Variants in MACROD2 observed in about 807,000 individuals in gnomAD.
MACROD2 encodes the protein mono-ADP ribosylhydrolase 2.
Under a neutral mutation model 70.4 loss-of-function variants are expected in MACROD2, and 36 were observed. The ratio of observed to expected loss-of-function variants is 0.51; its 90% CI spans 0.39 to 0.68. The LOEUF (loss-of-function observed/expected upper bound fraction) is 0.68, where lower values mean the gene tolerates loss of function less well. Ranked by LOEUF, MACROD2 falls within the 30% of genes least tolerant of loss-of-function variation. The pLI is 0.00. For synonymous variants in MACROD2, 172 were observed against 178.8 expected, an observed-to-expected ratio of 0.96 and a Z score of 0.30; for missense variants, 496 against 538.4, an observed-to-expected ratio of 0.92 and a Z score of 0.78.
chr20:14,361,713 T>A (rs1363980130), intron 3 of MACROD2, among the ~76,000 whole-genome samples: 2 of 152,138 alleles, frequency 1.3e-5, no homozygotes, highest in Non-Finnish European at 2.9e-5. Flanking sequence ...TTTGTTAGAA[T>A]GGCCATTGGA....
At chr20:15,649,679 A>G (rs550387759) in intron 8 of MACROD2, among the ~76,000 whole-genome samples, 5 of 152,188 alleles carry the variant, frequency 3.3e-5, no homozygotes, top group Non-Finnish European at 7.3e-5. Context: ...GTGTCAAGAA[A>G]GATAGTACCA....
chr20:15,268,841 G>A (rs566555060), intron 6 of MACROD2, among the ~76,000 whole-genome samples: 12 of 152,044 alleles, frequency 7.9e-5, no homozygotes. Flanking sequence ...CAGAGTCATG[G>A]CTGCAGTCTC....
At chr20:14,423,247 A>G (rs985725712) in intron 3 of MACROD2, among the ~76,000 whole-genome samples, 3 of 152,146 alleles carry the variant, frequency 2.0e-5, no homozygotes, top group Non-Finnish European at 4.4e-5. Flanking sequence ...TTTCGAAGAT[A>G]GGTTTTTTTT....
rs1198308855 is a variant in MACROD2, at chr20:15,750,878, A to C, written c.646-111867A>C. On this transcript the variant is annotated intron_variant, in intron 8 of 17. Coordinates refer to ENST00000684519, the MANE Select transcript of MACROD2 (RefSeq NM_001351661.2). ...ACCTCATCTGTGGAATCTAAAAAAA[A>C]CAAAAAACGACAACAACAGAAAATA... is the stretch of plus-strand genomic sequence containing the variant. 3.3e-5 allele frequency among the ~76,000 whole-genome samples: 5 copies of C among 151,972 alleles called. No individual in the cohort carries two copies. The East Asian group carries it at 7.7e-4, about 23-fold the overall frequency.
chr20:15,564,019 A>G (rs1021832866), intron 8 of MACROD2, among the ~76,000 whole-genome samples: 2 of 152,196 alleles, frequency 1.3e-5, no homozygotes, highest in Non-Finnish European at 2.9e-5. Context: ...TAGATCCCCT[A>G]AACTTCCTTA....
chr20:14,799,134 G>A (rs184419022), intron 5 of MACROD2, among the ~76,000 whole-genome samples: 107 of 152,088 alleles, frequency 7.0e-4, no homozygotes, highest in African/African-American at 2.4e-3. Flanking sequence ...TATAAAAAAA[G>A]TTATGAAATA....
chr20:14,336,320 T>A (rs187062949), intron 3 of MACROD2, among the ~76,000 whole-genome samples: 1 of 151,848 alleles, frequency 6.6e-6, no homozygotes, highest in East Asian at 1.9e-4. Flanking sequence ...GACTAAAAAT[T>A]GAAAAAAAAA....
chr20:15,437,000 T>G (rs1469976723), intron 7 of MACROD2, among the ~76,000 whole-genome samples: 1 of 152,202 alleles, frequency 6.6e-6, no homozygotes, highest in Non-Finnish European at 1.5e-5. Flanking sequence ...TGCAGATTGA[T>G]GTTCACTCTT....
chr20:15,852,763 G>A (rs1458385521), intron 8 of MACROD2, among the ~76,000 whole-genome samples: 1 of 152,112 alleles, frequency 6.6e-6, no homozygotes, highest in Non-Finnish European at 1.5e-5. Context: ...TATATACCAT[G>A]GCCTATTTTC....
chr20:15,781,880 C>T (rs2051840100), intron 8 of MACROD2, among the ~76,000 whole-genome samples: 1 of 151,894 alleles, frequency 6.6e-6, no homozygotes, highest in South Asian at 2.1e-4. Context: ...AACATATATG[C>T]AAAGGACACT....
chr20:15,004,769 T>G (rs1247297389), intron 5 of MACROD2, among the ~76,000 whole-genome samples: 1 of 152,228 alleles, frequency 6.6e-6, no homozygotes, highest in Non-Finnish European at 1.5e-5. Context: ...AAATTCAAAC[T>G]GTTTACTGTT....
intron 10 of MACROD2, among the ~76,000 whole-genome samples, chr20:15,906,682 A>G (rs1280223257): frequency 6.6e-6 from 1 of 152,002 alleles, no homozygotes; most frequent in East Asian, 1.9e-4. Context: ...CAGTTTCCCA[A>G]TCTTAATTTG....
chr20:14,424,075 T>C (rs2083908398), intron 3 of MACROD2, among the ~76,000 whole-genome samples: 1 of 152,146 alleles, frequency 6.6e-6, no homozygotes, highest in Admixed American at 6.5e-5. Flanking sequence ...AAGTATTTTT[T>C]AATGTGTCTA....
At chr20:15,519,832 G>A (rs1174092417) in intron 8 of MACROD2, among the ~76,000 whole-genome samples, 1 of 152,208 alleles carries the variant, frequency 6.6e-6, no homozygotes, top group Non-Finnish European at 1.5e-5. Context: ...CATTCTTGGA[G>A]TCAGGGATTA....
At chr20:15,097,318 A>G (rs1215562558) in intron 5 of MACROD2, among the ~76,000 whole-genome samples, 1 of 152,170 alleles carries the variant, frequency 6.6e-6, no homozygotes, top group Non-Finnish European at 1.5e-5. Flanking sequence ...AGTAATAGGA[A>G]ATGATGAGTA....
At chr20:14,887,774 G>A (rs1290227330) in intron 5 of MACROD2, among the ~76,000 whole-genome samples, 1 of 151,854 alleles carries the variant, frequency 6.6e-6, no homozygotes, top group African/African-American at 2.4e-5. Context: ...GGGTAAGACT[G>A]GAGAAGGAGA....
intron 5 of MACROD2, among the ~76,000 whole-genome samples, chr20:15,048,029 C>T (rs548396589): frequency 3.2e-4 from 48 of 152,152 alleles, no homozygotes; most frequent in Non-Finnish European, 5.4e-4. Flanking sequence ...TTTAAGAAGC[C>T]GAGGCAGGCA....
chr20:14,221,302 A>C (rs1250905856), intron 3 of MACROD2, among the ~76,000 whole-genome samples: 4 of 152,166 alleles, frequency 2.6e-5, no homozygotes, highest in Non-Finnish European at 4.4e-5. Flanking sequence ...TCCCAGCTTA[A>C]GTTTTCTCAT....
At chr20:14,483,294 T>A (rs943790966) in intron 3 of MACROD2, among the ~76,000 whole-genome samples, 2 of 152,218 alleles carry the variant, frequency 1.3e-5, no homozygotes, top group Non-Finnish European at 2.9e-5. Flanking sequence ...GGACATGATA[T>A]TTAGCCTTGA....
Sources: allele counts gnomAD v4.1 joint callset (sites outside exome capture counted in the v4.1 genomes callset), GRCh38; gene constraint gnomAD v4.1.1; transcripts MANE v1.5; gene names NCBI Gene and HGNC (gene_info 2026-07-23, HGNC 2026-07-21).